C1QB: variants seen among roughly 807,000 people sequenced by gnomAD.
The protein encoded by C1QB is complement C1q subcomponent subunit B.
C1QB carries 2 observed loss-of-function variants against 4.6 expected under a neutral mutation model. That is an observed-to-expected ratio of 0.43 (90% confidence interval 0.18 to 1.36). The LOEUF is 1.36. C1QB is among the 40% of genes most tolerant of loss of function. The pLI, the probability that C1QB is intolerant of heterozygous loss-of-function variation, is 0.28. For synonymous variants in C1QB, 132 were observed against 137.1 expected (o/e 0.96, Z 0.26); for missense variants, 292 against 338.0 (o/e 0.86, Z 1.07).
intron 1 of C1QB, among the ~76,000 whole-genome samples, chr1:22,654,848 C>T (rs1642508875): frequency 1.3e-5 from 2 of 152,232 alleles, no homozygotes; most frequent in South Asian, 4.1e-4. Flanking sequence ...CGAACACTGA[C>T]CATGTGCCTA....
At chr1:22,658,808 A>G (rs1642566050) in intron 1 of C1QB, among the ~76,000 whole-genome samples, 2 of 151,004 alleles carry the variant, frequency 1.3e-5, no homozygotes, top group Admixed American at 6.6e-5. Context: ...GGATGGATGG[A>G]TGGAGGGTGG....
chr1:22,659,125 G>A (rs1364846975), intron 1 of C1QB, among the ~76,000 whole-genome samples: 1 of 147,592 alleles, frequency 6.8e-6, no homozygotes, highest in African/African-American at 2.5e-5. Context: ...TAGAGAGATA[G>A]ATGGATGGAT....
intron 1 of C1QB, among the ~76,000 whole-genome samples, chr1:22,657,550 G>T (rs1642546719): frequency 6.6e-6 from 1 of 152,130 alleles, no homozygotes; most frequent in South Asian, 2.1e-4. Flanking sequence ...AATCCATAGG[G>T]ACAGAAAGCA....
chr1:22,656,660 A>G (rs1316461453), intron 1 of C1QB, among the ~76,000 whole-genome samples: 1 of 152,202 alleles, frequency 6.6e-6, no homozygotes, highest in Non-Finnish European at 1.5e-5. Context: ...CTCCCCACAC[A>G]CCAAGCAAGC....
chr1:22,657,094 G>A (rs183034200), intron 1 of C1QB, among the ~76,000 whole-genome samples: 1 of 152,112 alleles, frequency 6.6e-6, no homozygotes, highest in African/African-American at 2.4e-5. Flanking sequence ...TTATTATGTA[G>A]GCACGATTGA....
At chr1:22,659,330 A>ATGGATG in intron 1 of C1QB, 110 bp from the exon 2 acceptor site, 1 of 846,334 alleles carries the variant, frequency 1.2e-6, no homozygotes. Context: ...GGATGGATGC[A>ATGGATG]GATGGAGGAA....
intron 1 of C1QB, among the ~76,000 whole-genome samples, chr1:22,654,617 C>A (rs948072546): frequency 2.0e-5 from 3 of 152,094 alleles, no homozygotes; most frequent in African/African-American, 7.2e-5. Flanking sequence ...TCGCACATAC[C>A]CTATGAGGGA....
Position 22,661,637 on chromosome 1 carries a change from A to C in C1QB, c.*251A>C. 1 of 544,262 alleles carries C rather than the reference A, an allele frequency of 1.8e-6. No homozygotes were observed. The highest frequency in any genetic ancestry group is 3.3e-6 in the Non-Finnish European group (1 of 299,684). The allele number at this position is 544,262 out of a possible 1,614,324, so 33.7% of individuals were successfully genotyped here. A position where few individuals can be genotyped will look rare whatever the true frequency, so the allele number is the denominator to read the frequency against. ...AATGAATGAACCATGAATGAATGAA[A>C]TCTCTGTCCGTGTGCTGCTCTGTGC... On this transcript the variant is annotated 3_prime_UTR_variant, in exon 3 of 3. Coordinates refer to ENST00000509305, the MANE Select transcript of C1QB (RefSeq NM_001378156.1).
At position 22,661,371 on chromosome 1, in the gene C1QB, A is replaced by C. The variant is rs113061112; in HGVS notation, c.741A>C (p.Pro247=). ...TCTTTTCCGGGTTCCTGCTCTTTCCAGATATGGAGGCCTGACCTGTGGGCT... is the reference window on the plus strand; with the variant it reads ...TCTTTTCCGGGTTCCTGCTCTTTCCCGATATGGAGGCCTGACCTGTGGGCT... The part of the protein sequence containing the change: ...NSIFSGFLLF[P]DMEA Residue 247 remains proline (P), a synonymous_variant, in exon 3 of 3, where the codon CCA becomes CCC. Transcript: ENST00000509305. 175 of 1,613,782 alleles carry C rather than the reference A, an allele frequency of 1.1e-4. No individual in the cohort carries two copies. In the African/African-American group the frequency reaches 1.8e-3, roughly 16 times the overall value.
chr1:22,654,570 A>G (rs1411852061), intron 1 of C1QB, among the ~76,000 whole-genome samples: 1 of 152,226 alleles, frequency 6.6e-6, no homozygotes, highest in African/African-American at 2.4e-5. Context: ...AGAATTTCCA[A>G]CATGCCAGGC....
At chr1:22,653,870 A>G (rs199826496) in intron 1 of C1QB, 1 of 152,268 alleles carries the variant, frequency 6.6e-6, no homozygotes, top group South Asian at 2.1e-4. Context: ...GGGGATGTGC[A>G]GGTAGAGTTA....
At chr1:22,659,346 A>AGATGGATGGATGGATG in intron 1 of C1QB, 94 bp from the exon 2 acceptor site, 1 of 859,022 alleles carries the variant, frequency 1.2e-6, no homozygotes. Flanking sequence ...AGGAATAGAG[A>AGATGGATGGATGGATG]GATGGATGGA....
chr1:22,654,357 T>C (rs1453867373), intron 1 of C1QB, among the ~76,000 whole-genome samples: 1 of 152,030 alleles, frequency 6.6e-6, no homozygotes, highest in Non-Finnish European at 1.5e-5. Flanking sequence ...GTCCTGTCAG[T>C]ACCCTGCTCC....
chr1:22,657,993 C>T (rs1557611263), intron 1 of C1QB, among the ~76,000 whole-genome samples: 1 of 152,154 alleles, frequency 6.6e-6, no homozygotes, highest in Non-Finnish European at 1.5e-5. Context: ...GGCTTCATTC[C>T]TTCCTGTATG....
In C1QB at chr1:22,659,477, G is replaced by C; in HGVS notation, c.15G>C (p.Trp5Cys). 1 of 1,613,970 alleles carries C rather than the reference G, an allele frequency of 6.2e-7. No homozygotes were observed. The highest frequency in any genetic ancestry group is 8.5e-7 in the Non-Finnish European group (1 of 1,179,974). Reference protein sequence around the residue: MKIPWGSIPVLMLLL... With the variant: MKIPCGSIPVLMLLL... ...ACAGTATGATGATGAAGATCCCATG[G>C]GGCAGCATCCCAGTACTGATGTTGC... The change falls in exon 2 of 3, where the codon TGG becomes TGC. Residue 5 changes from tryptophan to cysteine, a missense_variant. By Grantham distance (215) the Trp-to-Cys change is radical. Transcript: ENST00000509305.
chr1:22,660,551 G>A (rs1184397127), intron 2 of C1QB, among the ~76,000 whole-genome samples: 2 of 152,106 alleles, frequency 1.3e-5, no homozygotes, highest in Non-Finnish European at 2.9e-5. Context: ...ACAAGCTGGG[G>A]AGGAGGGCCG....
intron 1 of C1QB, 148 bp from the exon 2 acceptor site, chr1:22,659,292 A>AGATGGAGG (rs1642581852): frequency 3.1e-6 from 2 of 639,890 alleles, no homozygotes; most frequent in African/African-American, 2.2e-5. Context: ...AGGGATAGAG[A>AGATGGAGG]GATGGATGGA....
chr1:22,657,342 C>A (rs188069953), intron 1 of C1QB, among the ~76,000 whole-genome samples: 340 of 152,152 alleles, frequency 2.2e-3, no homozygotes, highest in African/African-American at 7.8e-3. Context: ...AGGTAGAAGA[C>A]CAAATATATA....
chr1:22,656,901 T>C (rs1477933890), intron 1 of C1QB, among the ~76,000 whole-genome samples: 1 of 152,086 alleles, frequency 6.6e-6, no homozygotes, highest in African/African-American at 2.4e-5. Flanking sequence ...GGAAACACGT[T>C]TACAAGTTTA....
Sources: allele counts gnomAD v4.1 joint callset (sites outside exome capture counted in the v4.1 genomes callset), GRCh38; gene constraint gnomAD v4.1.1; transcripts MANE v1.5; gene names NCBI Gene and HGNC (gene_info 2026-07-23, HGNC 2026-07-21).